Variants in RHEB observed in about 807,000 individuals in gnomAD.
The protein encoded by RHEB is GTP-binding protein Rheb.
RHEB carries 2 observed loss-of-function variants against 28.8 expected under a neutral mutation model. That is an observed-to-expected ratio of 0.07 (90% CI 0.03 to 0.22). RHEB has a LOEUF of 0.22. Among genes scored for constraint, RHEB ranks in the 10% least tolerant of loss-of-function variants. The probability of loss-of-function intolerance (pLI) is 1.00; values close to 1 mark genes in which losing one functional copy is unlikely to be tolerated. For synonymous variants in RHEB, 69 were observed against 77.3 expected (o/e 0.89, Z 0.56); for missense variants, 76 against 219.9 (o/e 0.35, Z 4.14).
chr7:151,468,916 G>A lies in RHEB; in HGVS notation c.462+1655C>T, dbSNP rs1310649130. ...AGTTCTTATACCACGTAAGGTAGTG[G>A]GTGATCTTAGAAAAGTCATTTAACT... On this transcript the variant is annotated intron_variant, in intron 7 of 7. Transcript: ENST00000262187. The surrounding 1 kb of genome is among the most constrained non-coding windows in gnomAD (Gnocchi z 4.3). 6.6e-6 allele frequency among the ~76,000 whole-genome samples: 1 copy of A among 152,178 alleles called. No homozygotes were observed. The highest frequency in any genetic ancestry group is 1.9e-4 in the East Asian group (1 of 5,204).
At chr7:151,484,429 TAGACAGC>T (rs1802431603) in intron 3 of RHEB, among the ~76,000 whole-genome samples, 1 of 152,186 alleles carries the variant, frequency 6.6e-6, no homozygotes, top group Non-Finnish European at 1.5e-5. Flanking sequence ...AAAGACCAAG[TAGACAGC>T]ATACTAACAT....
At chr7:151,500,925 A>T (rs1802762068) in intron 1 of RHEB, among the ~76,000 whole-genome samples, 1 of 152,166 alleles carries the variant, frequency 6.6e-6, no homozygotes, top group Non-Finnish European at 1.5e-5. Flanking sequence ...TTGAGGCTGC[A>T]GCAAGCTGTG....
At chr7:151,479,682 CAA>C (rs10690355) in intron 3 of RHEB, among the ~76,000 whole-genome samples, 8 of 113,274 alleles carry the variant, frequency 7.1e-5, no homozygotes, top group Non-Finnish European at 3.6e-5. Flanking sequence ...GACTCCGTCT[CAA>C]AAAAAAAAAA....
chr7:151,501,979 T>C, intron 1 of RHEB: 1 of 607,210 alleles, frequency 1.6e-6, no homozygotes, highest in Non-Finnish European at 3.1e-6. Flanking sequence ...GGCTCACGCC[T>C]GTAATCCCAG....
chr7:151,466,874 G>C lies in RHEB; in HGVS notation c.*245C>G. ...AAAAATTAATGCCGATAAAATTCTT[G>C]GTCATAATATTAAGAAATACAATAT... On this transcript the variant is annotated 3_prime_UTR_variant, in exon 8 of 8. Coordinates refer to ENST00000262187, the MANE Select transcript of RHEB (RefSeq NM_005614.4). 1 of 380,198 alleles carries C rather than the reference G, an allele frequency of 2.6e-6. No individual in the cohort carries two copies. Among genetic ancestry groups the C allele is most frequent in the Non-Finnish European group, 4.8e-6 (1 of 210,080 alleles). 23.6% of individuals were successfully genotyped at this position (380,198 alleles called of 1,614,324 possible). A position where few individuals can be genotyped will look rare whatever the true frequency, so the allele number is the denominator to read the frequency against.
At chr7:151,513,462 T>C (rs780698546) in intron 1 of RHEB, among the ~76,000 whole-genome samples, 12 of 152,230 alleles carry the variant, frequency 7.9e-5, no homozygotes, top group Non-Finnish European at 1.3e-4. Context: ...ACTTAAGACT[T>C]TGCAGAGATT....
rs966101095 is a variant in RHEB at position 151,519,807 on chromosome 7, G to A, written c.-296C>T. 17 of 294,852 alleles carry A rather than the reference G, an allele frequency of 5.8e-5. No individual in the cohort carries two copies. Among genetic ancestry groups the A allele is most frequent in the Non-Finnish European group, 9.4e-5 (15 of 159,310 alleles). The allele number at this position is 294,852 out of a possible 1,614,324, so 18.3% of individuals were successfully genotyped here. On this transcript the variant is annotated 5_prime_UTR_variant, in exon 1 of 8. Transcript: ENST00000262187. ...CGAAATACGCGGGGGGTGCGTCGGG[G>A]CGACGTTTTACTTTAAAGGCAAAAA...
At chr7:151,486,505 G>C (rs896145837) in intron 2 of RHEB, among the ~76,000 whole-genome samples, 1 of 152,178 alleles carries the variant, frequency 6.6e-6, no homozygotes, top group Non-Finnish European at 1.5e-5. Context: ...CACCCAGGCA[G>C]AGGTTAAACA....
intron 1 of RHEB, among the ~76,000 whole-genome samples, chr7:151,517,718 C>T (rs540360197): frequency 6.9e-6 from 1 of 145,644 alleles, no homozygotes; most frequent in African/African-American, 2.5e-5. Flanking sequence ...AGTGATAAAA[C>T]TAGCCCTGCT....
intron 2 of RHEB, among the ~76,000 whole-genome samples, chr7:151,489,263 G>C: frequency 6.6e-6 from 1 of 152,080 alleles, no homozygotes; most frequent in East Asian, 1.9e-4. Context: ...CAAATATTAA[G>C]GTCCAAGATG....
chr7:151,480,329 A>G (rs1802360247), intron 3 of RHEB, among the ~76,000 whole-genome samples: 1 of 152,184 alleles, frequency 6.6e-6, no homozygotes, highest in Non-Finnish European at 1.5e-5. Context: ...GGGGAAAAGG[A>G]GGCCATAGGT....
intron 3 of RHEB, among the ~76,000 whole-genome samples, 153 bp downstream of exon 3, chr7:151,484,584 G>T (rs76551388): frequency 0.032 from 4,932 of 152,082 alleles, 234 homozygotes; most frequent in African/African-American, 0.11. Context: ...TTGTTAAGTC[G>T]AGCCACTGCA....
intron 4 of RHEB, 136 bp downstream of exon 4, chr7:151,477,197 C>G: frequency 1.5e-6 from 1 of 652,998 alleles, no homozygotes; most frequent in Non-Finnish European, 2.6e-6. Flanking sequence ...TCCAGTTGCT[C>G]CACGAGAAAA....
intron 3 of RHEB, among the ~76,000 whole-genome samples, chr7:151,481,824 C>T (rs1328034156): frequency 6.6e-6 from 1 of 152,202 alleles, no homozygotes; most frequent in Non-Finnish European, 1.5e-5. Flanking sequence ...CTAATATGAC[C>T]ACTGCTCTTG....
intron 4 of RHEB, among the ~76,000 whole-genome samples, chr7:151,475,341 T>C (rs1802253968): frequency 6.6e-6 from 1 of 152,196 alleles, no homozygotes; most frequent in African/African-American, 2.4e-5. Context: ...AAGTAACAAT[T>C]TGTAAAGTAA....
intron 1 of RHEB, chr7:151,497,942 G>C: frequency 2.7e-6 from 1 of 373,190 alleles, no homozygotes; most frequent in South Asian, 2.0e-5. Flanking sequence ...ATCCAACGGG[G>C]CATATTGATT....
chr7:151,494,437 T>C (rs140003034), intron 1 of RHEB, among the ~76,000 whole-genome samples: 5 of 152,278 alleles, frequency 3.3e-5, no homozygotes, highest in African/African-American at 9.6e-5. Flanking sequence ...CAGCATGAGA[T>C]CAAGTGCAAA....
chr7:151,518,940 G>C (rs376857078), intron 1 of RHEB: 1 of 152,200 alleles, frequency 6.6e-6, no homozygotes, highest in Non-Finnish European at 1.5e-5. Flanking sequence ...TAAATCCCTA[G>C]TTTTCTTTAC....
chr7:151,490,975 A>T lies in RHEB; in HGVS notation c.92T>A (p.Phe31Tyr). Residue 31 changes from phenylalanine (F) to tyrosine (Y), a missense_variant, in exon 2 of 8, where the codon TTT becomes TAT. Transcript: ENST00000262187. The part of the protein sequence containing the change: ...SLTIQFVEGQ[F>Y]VDSYDPTIEN... Reference sequence around the variant, plus strand: ...TATGGTTGGATCGTAGGAGTCCACAAATTGGCCTTCAACAAATTGAATCGT... The same window carrying T: ...TATGGTTGGATCGTAGGAGTCCACATATTGGCCTTCAACAAATTGAATCGT... 6.2e-7 allele frequency: 1 copy of T among 1,612,890 alleles called. No individual in the cohort carries two copies. Among genetic ancestry groups the T allele is most frequent in the Non-Finnish European group, 8.5e-7 (1 of 1,179,576 alleles).
Sources: allele counts gnomAD v4.1 joint callset (sites outside exome capture counted in the v4.1 genomes callset), GRCh38; gene constraint gnomAD v4.1.1; non-coding constraint Gnocchi (gnomAD v3.1); transcripts MANE v1.5; gene names NCBI Gene and HGNC (gene_info 2026-07-23, HGNC 2026-07-21).